PDK4: variants seen among roughly 807,000 people sequenced by gnomAD.
PDK4 encodes the protein pyruvate dehydrogenase kinase, isozyme 4.
PDK4 carries 43 observed loss-of-function variants against 51.7 expected under a neutral mutation model. That is an observed-to-expected ratio of 0.83 (90% CI 0.65 to 1.07). The LOEUF is 1.07. Ranked by LOEUF, PDK4 falls within the 50% of genes least tolerant of loss-of-function variation. The probability of loss-of-function intolerance (pLI) is 0.00; values close to 1 mark genes in which losing one functional copy is unlikely to be tolerated. For synonymous variants in PDK4, 170 were observed against 176.6 expected, an observed-to-expected ratio of 0.96 and a Z score of 0.30; for missense variants, 498 against 503.5, an observed-to-expected ratio of 0.99 and a Z score of 0.10.
chr7:95,596,270 C>A lies in PDK4; in HGVS notation c.24G>T (p.Leu8=). The change falls in exon 1 of 11, where the codon CTG becomes CTT. Residue 8 remains leucine, a synonymous_variant. Coordinates refer to ENST00000005178, the MANE Select transcript of PDK4 (RefSeq NM_002612.4). Reference sequence around the variant, plus strand: ...CGCCGTTGAGCGAGCCAGCGCTGCGCAGCACGAAGCGGGCCGCCTTCATCT... The same window carrying A: ...CGCCGTTGAGCGAGCCAGCGCTGCGAAGCACGAAGCGGGCCGCCTTCATCT... MKAARFV[L]RSAGSLNGAG... is the part of the protein sequence containing the mutation. The A allele has an allele frequency of 6.3e-7, 1 of 1,582,782 alleles. No homozygotes were observed. The highest frequency in any genetic ancestry group is 8.6e-7 in the Non-Finnish European group (1 of 1,165,580).
At chr7:95,589,497 GTTTC>G (rs1168759861) in intron 7 of PDK4, 139 bp downstream of exon 7, 2 of 506,838 alleles carry the variant, frequency 3.9e-6, no homozygotes, top group South Asian at 3.9e-5. Flanking sequence ...TGACTGTATA[GTTTC>G]TTTCTCTTAG....
intron 10 of PDK4, among the ~76,000 whole-genome samples, chr7:95,586,199 T>TTTTC (rs1554356821): frequency 1.4e-5 from 2 of 146,900 alleles, no homozygotes; most frequent in African/African-American, 5.1e-5. Context: ...CCAAGGTTTT[T>TTTTC]TTTTTTTTTT....
chr7:95,587,987 G>A lies in PDK4; in HGVS notation c.772-162C>T, dbSNP rs1303030640. ...GCTTTGTAAATAGCCATTTATGAATGGGTCATGTAGGATGTATAATGAAAA... is the reference window on the plus strand; with the variant it reads ...GCTTTGTAAATAGCCATTTATGAATAGGTCATGTAGGATGTATAATGAAAA... On this transcript the variant is annotated intron_variant, in intron 7 of 10. Transcript: ENST00000005178. Among the ~76,000 whole-genome samples, 6 of 152,148 alleles carry A rather than the reference G, an allele frequency of 3.9e-5. No individual in the cohort carries two copies. In the East Asian group the frequency reaches 1.2e-3, roughly 29 times the overall value.
At chr7:95,595,275 C>T in intron 1 of PDK4, 111 bp from the exon 2 acceptor site, 1 of 655,892 alleles carries the variant, frequency 1.5e-6, no homozygotes, top group Non-Finnish European at 2.4e-6. Flanking sequence ...AATTATATTT[C>T]ACTCTCAGTT....
chr7:95,589,938 G>GTT lies in PDK4; in HGVS notation c.695-224_695-223dup, dbSNP rs957013612. Among the ~76,000 whole-genome samples the GTT allele has an allele frequency of 1.0e-3, 147 of 147,524 alleles. 3 individuals carry two copies. Among genetic ancestry groups the GTT allele is most frequent in the African/African-American group, 3.5e-3 (141 of 40,524 alleles). Reference sequence around the variant, plus strand: ...GCTACATAATGCTCTTTTGTTAATTGTTTTTTTTTTGTAGAGATAGGGTCT... The same window carrying GTT: ...GCTACATAATGCTCTTTTGTTAATTGTTTTTTTTTTTTGTAGAGATAGGGTCT... On this transcript the variant is annotated intron_variant, in intron 6 of 10. Transcript: ENST00000005178.
Position 95,596,276 on chromosome 7 carries a change from G to A in PDK4, c.18C>T (p.Phe6=). MKAAR[F]VLRSAGSLNG... is the part of the protein sequence containing the mutation. ...TGAGCGAGCCAGCGCTGCGCAGCACGAAGCGGGCCGCCTTCATCTTGACGC... is the reference window on the plus strand; with the variant it reads ...TGAGCGAGCCAGCGCTGCGCAGCACAAAGCGGGCCGCCTTCATCTTGACGC... Residue 6 remains phenylalanine (F), a synonymous_variant, in exon 1 of 11, where the codon TTC becomes TTT. Coordinates refer to ENST00000005178, the MANE Select transcript of PDK4 (RefSeq NM_002612.4). The A allele has an allele frequency of 3.8e-6, 6 of 1,578,674 alleles. No homozygotes were observed. Among genetic ancestry groups the A allele is most frequent in the Non-Finnish European group, 5.2e-6 (6 of 1,163,390 alleles).
Position 95,587,076 on chromosome 7 carries a change from G to T in PDK4, c.1029C>A (p.Tyr343Ter), listed in dbSNP as rs1223281807. The T allele has an allele frequency of 6.2e-7, 1 of 1,612,662 alleles. No individual in the cohort carries two copies. The highest frequency in any genetic ancestry group is 1.7e-5 in the Admixed American group (1 of 59,998). ...GLPISRLYAK[Y>*]FQGDLNLYSL... ...AGTAGAGATTCAGATCTCCTTGAAAGTACTTTGCATACAGACGAGAAATTG... is the reference window on the plus strand; with the variant it reads ...AGTAGAGATTCAGATCTCCTTGAAATTACTTTGCATACAGACGAGAAATTG... Residue 343 changes from tyrosine (Y) to a stop codon, truncating the protein, a stop_gained, in exon 10 of 11, where the codon TAC becomes TAA. Coordinates refer to ENST00000005178, the MANE Select transcript of PDK4 (RefSeq NM_002612.4). LOFTEE classifies it high-confidence loss of function.
At chr7:95,592,109 C>T (rs1791559829) in intron 5 of PDK4, 44 bp from the exon 6 acceptor site, 4 of 1,078,442 alleles carry the variant, frequency 3.7e-6, no homozygotes, top group Non-Finnish European at 5.5e-6. Context: ...TGAGTTTATG[C>T]CAAGTACAGT....
intron 6 of PDK4, among the ~76,000 whole-genome samples, chr7:95,589,938 G>GT (rs957013612): frequency 1.2e-3 from 174 of 147,380 alleles, no homozygotes; most frequent in East Asian, 7.3e-3. Flanking sequence ...TTTGTTAATT[G>GT]TTTTTTTTTT....
chr7:95,585,854 C>T, intron 10 of PDK4, 73 bp from the exon 11 acceptor site: 1 of 1,302,540 alleles, frequency 7.7e-7, no homozygotes, highest in Non-Finnish European at 1.1e-6. Flanking sequence ...GAAGTTATTA[C>T]TCAAAATACA....
rs560855209 is a variant in PDK4, at chr7:95,587,140, T to G, written c.982-17A>C. 5.6e-6 allele frequency: 8 copies of G among 1,438,550 alleles called. No individual in the cohort carries two copies. In the African/African-American group the frequency reaches 1.1e-4, roughly 20 times the overall value. The allele number at this position is 1,438,550 out of a possible 1,614,324, so 89.1% of individuals were successfully genotyped here. ...AAAACCAGCCTAGAGAAGAGAGACG[T>G]TATCAGGTAAAGAAGTGTATGTGAT... On this transcript the variant is annotated splice_polypyrimidine_tract_variant and intron_variant, in intron 9 of 10. Transcript: ENST00000005178.
At chr7:95,586,878 G>A (rs1237848327) in intron 10 of PDK4, 132 bp downstream of exon 10, 1 of 579,652 alleles carries the variant, frequency 1.7e-6, no homozygotes, top group Non-Finnish European at 3.1e-6. Context: ...AGAAAGAGAA[G>A]AGAATGAATG....
At chr7:95,596,031 G>A (rs1791615102) in intron 1 of PDK4, 133 bp downstream of exon 1, 1 of 998,418 alleles carries the variant, frequency 1.0e-6, no homozygotes, top group African/African-American at 1.7e-5. Context: ...TGCTGGCGTC[G>A]AGGCTCCAGG....
Position 95,595,071 on chromosome 7 carries a change from A to C in PDK4, c.224T>G (p.Leu75Arg). 1 of 1,612,230 alleles carries C rather than the reference A, an allele frequency of 6.2e-7. No homozygotes were observed. Among genetic ancestry groups the C allele is most frequent in the Middle Eastern group, 1.7e-4 (1 of 6,058 alleles). ...AGAGGTATTTACTAATTGGGTCGGGAGGATATCAATTTCCTTCAGAATGTT... is the reference window on the plus strand; with the variant it reads ...AGAGGTATTTACTAATTGGGTCGGGCGGATATCAATTTCCTTCAGAATGTT... ...LANILKEIDI[L>R]PTQLVNTSSV... The change falls in exon 2 of 11, where the codon CTC (leucine) becomes CGC (arginine). Residue 75 changes from leucine to arginine, a missense_variant. By Grantham distance (102) the Leu-to-Arg change is moderately radical (BLOSUM62 -2). Transcript: ENST00000005178.
At position 95,584,799 on chromosome 7, in the gene PDK4, T is replaced by C. The variant is rs546213904; in HGVS notation, c.*842A>G. On this transcript the variant is annotated 3_prime_UTR_variant, in exon 11 of 11. Coordinates refer to ENST00000005178, the MANE Select transcript of PDK4 (RefSeq NM_002612.4). ...TTTTTCCAATCTACTAATTTATTTA[T>C]AAACAAAGCAAAGTAAGAGATATTT... The C allele has an allele frequency of 1.3e-4, 20 of 152,744 alleles. No homozygotes were observed. The highest frequency in any genetic ancestry group is 2.5e-4 in the Non-Finnish European group (17 of 68,022). 9.5% of individuals were successfully genotyped at this position (152,744 alleles called of 1,614,324 possible).
intron 7 of PDK4, among the ~76,000 whole-genome samples, chr7:95,589,286 G>C (rs1791523143): frequency 6.6e-6 from 1 of 152,092 alleles, no homozygotes; most frequent in South Asian, 2.1e-4. Context: ...TGGGGGTGGA[G>C]GTAACAAGGC....
intron 3 of PDK4, 55 bp downstream of exon 3, chr7:95,593,644 A>C (rs1318084645): frequency 1.2e-6 from 1 of 816,104 alleles, no homozygotes; most frequent in Non-Finnish European, 2.1e-6. Flanking sequence ...TATCTTAGGA[A>C]TCTATCTGGA....
In PDK4 at chr7:95,585,285, A is replaced by G. The variant is rs1170572549; in HGVS notation, c.*356T>C. ...ATCTTTTGATGTGAACAAGAGGCCT[A>G]AAATATCAGTCTTAGTGAAACTGCT... is the stretch of plus-strand genomic sequence containing the variant. On this transcript the variant is annotated 3_prime_UTR_variant, in exon 11 of 11. Transcript: ENST00000005178. 4 of 138,230 alleles carry G rather than the reference A, an allele frequency of 2.9e-5. No homozygotes were observed. The highest frequency in any genetic ancestry group is 5.7e-5 in the Non-Finnish European group (4 of 70,544). The allele number at this position is 138,230 out of a possible 1,614,324, so 8.6% of individuals were successfully genotyped here. A position where few individuals can be genotyped will look rare whatever the true frequency, so the allele number is the denominator to read the frequency against.
intron 10 of PDK4, among the ~76,000 whole-genome samples, chr7:95,586,206 T>TTGTTTTG (rs1286447984): frequency 3.5e-4 from 52 of 149,246 alleles, no homozygotes; most frequent in African/African-American, 1.2e-3. Context: ...TTTTTTTTTT[T>TTGTTTTG]TTTTTTGAGA....
Sources: gnomAD v4.1 joint callset for allele counts (sites outside exome capture counted in the v4.1 genomes callset) on GRCh38, gnomAD v4.1.1 for gene constraint, MANE v1.5 for transcripts, NCBI Gene and HGNC (gene_info 2026-07-23, HGNC 2026-07-21) for gene names.